Variants in FSTL5 observed in about 807,000 individuals in gnomAD.
FSTL5 encodes follistatin-related protein 5.
FSTL5 carries 62 observed loss-of-function variants against 89.1 expected under a neutral mutation model. The observed-to-expected ratio is 0.70, with a 90% CI of 0.57 to 0.86. FSTL5 has a LOEUF of 0.86. Among genes scored for constraint, FSTL5 ranks in the 40% least tolerant of loss-of-function variants. The pLI is 0.00. For synonymous variants in FSTL5, 383 were observed against 346.2 expected (o/e 1.11, Z -1.18); for missense variants, 1,057 against 1,001.6 (o/e 1.06, Z -0.75).
intron 4 of FSTL5, among the ~76,000 whole-genome samples, chr4:161,871,534 C>A (rs1264381366): frequency 3.3e-5 from 5 of 152,030 alleles, no homozygotes; most frequent in Admixed American, 1.3e-4. Context: ...TTATGGATAA[C>A]ATAAACCTAC....
At chr4:161,943,154 T>C (rs1734637683) in intron 3 of FSTL5, among the ~76,000 whole-genome samples, 1 of 151,998 alleles carries the variant, frequency 6.6e-6, no homozygotes, top group South Asian at 2.1e-4. Context: ...TTGAAAATTA[T>C]AACACTGTAT....
chr4:161,816,031 T>A (rs1730315229), intron 4 of FSTL5, among the ~76,000 whole-genome samples: 1 of 152,170 alleles, frequency 6.6e-6, no homozygotes. Context: ...ACACAGAACA[T>A]TAGAAAATTG....
intron 2 of FSTL5, among the ~76,000 whole-genome samples, chr4:162,071,188 T>G (rs2111309436): frequency 6.6e-6 from 1 of 151,766 alleles, no homozygotes; most frequent in South Asian, 2.1e-4. Context: ...AAATATAGAC[T>G]GGCTGAATTA....
chr4:161,904,439 G>T (rs79965379), intron 4 of FSTL5, among the ~76,000 whole-genome samples: 7,032 of 151,934 alleles, frequency 0.046, 209 homozygotes, highest in Non-Finnish European at 0.07. Context: ...TTAGTGCTAA[G>T]AACTAATATA....
At chr4:161,906,555 T>C (rs2110813535) in intron 4 of FSTL5, among the ~76,000 whole-genome samples, 1 of 152,266 alleles carries the variant, frequency 6.6e-6, no homozygotes, top group East Asian at 1.9e-4. Context: ...TGTAAGGATG[T>C]ACTTCTGTCA....
intron 2 of FSTL5, among the ~76,000 whole-genome samples, chr4:162,060,236 A>C (rs778900509): frequency 2.6e-5 from 4 of 152,074 alleles, no homozygotes; most frequent in Non-Finnish European, 5.9e-5. Flanking sequence ...ATTATAGTTG[A>C]GATATATTAT....
chr4:162,124,910 A>G (rs977724343), intron 1 of FSTL5, among the ~76,000 whole-genome samples: 3 of 152,148 alleles, frequency 2.0e-5, no homozygotes, highest in East Asian at 1.9e-4. Context: ...TCACCGTGTT[A>G]GCCAGGATGG....
chr4:161,554,250 G>T (rs572114819), intron 8 of FSTL5, among the ~76,000 whole-genome samples: 1 of 151,302 alleles, frequency 6.6e-6, no homozygotes, highest in Admixed American at 6.6e-5. Flanking sequence ...AAAAAAGGAA[G>T]GGTAGATAGA....
chr4:162,062,337 G>T (rs1738748704), intron 2 of FSTL5, among the ~76,000 whole-genome samples: 1 of 151,896 alleles, frequency 6.6e-6, no homozygotes. Flanking sequence ...TACAGAAAGA[G>T]AAATTCCTAA....
chr4:161,854,854 T>A (rs2126884419), intron 4 of FSTL5, among the ~76,000 whole-genome samples: 1 of 152,150 alleles, frequency 6.6e-6, no homozygotes, highest in African/African-American at 2.4e-5. Flanking sequence ...CATACAAATA[T>A]ATTACCCAAA....
At chr4:161,503,814 G>T (rs1485753577) in intron 11 of FSTL5, among the ~76,000 whole-genome samples, 1 of 152,016 alleles carries the variant, frequency 6.6e-6, no homozygotes, top group Non-Finnish European at 1.5e-5. Flanking sequence ...AGAATGAATG[G>T]ATAAGCAAGT....
rs146336031 is a variant in FSTL5 at position 161,799,427 on chromosome 4, T to C, written c.410-23353A>G. 2.2e-4 allele frequency among the ~76,000 whole-genome samples: 33 copies of C among 151,810 alleles called. No homozygotes were observed. The East Asian group carries it at 6.0e-3, about 28-fold the overall frequency. On this transcript the variant is annotated intron_variant, in intron 4 of 15. Transcript: ENST00000306100. ...ATATCCCTTTATGATGCCCTGATGT[T>C]TGCAAAGGAAAAATACATGAAAAAA...
intron 1 of FSTL5, among the ~76,000 whole-genome samples, chr4:162,141,147 C>T (rs1292771246): frequency 3.3e-5 from 2 of 61,098 alleles, no homozygotes; most frequent in South Asian, 5.5e-4. Context: ...GACGGAGTTT[C>T]GCTCTGTCGC....
chr4:161,954,867 G>A (rs368406272), intron 3 of FSTL5, among the ~76,000 whole-genome samples: 25 of 151,696 alleles, frequency 1.6e-4, no homozygotes, highest in Admixed American at 7.9e-4. Flanking sequence ...TTCAGATAAT[G>A]TGAAAAATAA....
At chr4:161,861,974 C>T (rs1470426363) in intron 4 of FSTL5, among the ~76,000 whole-genome samples, 2 of 152,178 alleles carry the variant, frequency 1.3e-5, no homozygotes, top group Non-Finnish European at 2.9e-5. Flanking sequence ...ACACAGCATA[C>T]TCAAGAGACT....
chr4:161,694,548 C>T (rs1738069824), intron 6 of FSTL5, among the ~76,000 whole-genome samples: 1 of 151,928 alleles, frequency 6.6e-6, no homozygotes, highest in African/African-American at 2.4e-5. Context: ...TTCTTAAGCT[C>T]TTTGAAAATA....
chr4:161,901,843 G>A (rs1387031451), intron 4 of FSTL5, among the ~76,000 whole-genome samples: 1 of 152,144 alleles, frequency 6.6e-6, no homozygotes, highest in East Asian at 1.9e-4. Flanking sequence ...GCCGAGGTAG[G>A]AGAACTGCTT....
chr4:161,813,429 G>C lies in FSTL5; in HGVS notation c.410-37355C>G, dbSNP rs371575966. Among the ~76,000 whole-genome samples the C allele has an allele frequency of 1.6e-3, 239 of 152,168 alleles. 4 individuals are homozygous for C. In the South Asian group the frequency reaches 0.048, roughly 30 times the overall value. On this transcript the variant is annotated intron_variant, in intron 4 of 15. Coordinates refer to ENST00000306100, the MANE Select transcript of FSTL5 (RefSeq NM_020116.5). The stretch of plus-strand genomic sequence containing the variant: ...AAAAGTAACAATAAAAAAAATTTGG[G>C]GGGCGGGGAGCATGTTGTAGTGGAA...
rs565873196 is a variant in FSTL5 at position 161,439,954 on chromosome 4, A to G, written c.1841+15050T>C. ...GCATTTTCTCATCCCCTGGTCAGGC[A>G]CATTTTCTGTAAGTAATTGAGAATA... On this transcript the variant is annotated intron_variant, in intron 15 of 15. Coordinates refer to ENST00000306100, the MANE Select transcript of FSTL5 (RefSeq NM_020116.5). 2.0e-5 allele frequency among the ~76,000 whole-genome samples: 3 copies of G among 152,272 alleles called. No homozygotes were observed. In the South Asian group the frequency reaches 6.2e-4, roughly 32 times the overall value.
Sources: gnomAD v4.1 joint callset for allele counts (sites outside exome capture counted in the v4.1 genomes callset) on GRCh38, gnomAD v4.1.1 for gene constraint, MANE v1.5 for transcripts, NCBI Gene and HGNC (gene_info 2026-07-23, HGNC 2026-07-21) for gene names.